The following BABAM2 variants were observed in gnomAD, a reference collection of about 807,000 sequenced individuals.
BABAM2 encodes BRISC and BRCA1-A complex member 2.
Under a neutral mutation model 54.7 loss-of-function variants are expected in BABAM2, and 31 were observed. The observed-to-expected ratio is 0.57, with a 90% CI of 0.43 to 0.77. BABAM2 has a LOEUF of 0.77. BABAM2 is among the 30% of genes least tolerant of loss of function. The pLI, the probability that BABAM2 is intolerant of heterozygous loss-of-function variation, is 0.00. For missense variants in BABAM2, 364 were observed against 455.8 expected (o/e 0.80, Z 1.83); for synonymous variants, 167 against 162.9 (o/e 1.03, Z -0.19).
intron 5 of BABAM2, among the ~76,000 whole-genome samples, chr2:28,033,801 T>G (rs1005294821): frequency 1.2e-3 from 24 of 20,276 alleles, no homozygotes; most frequent in Non-Finnish European, 1.7e-3. Flanking sequence ...GATTAAAGTG[T>G]TTTTTTTTTT....
At chr2:28,195,742 C>T (rs1225639966) in intron 7 of BABAM2, among the ~76,000 whole-genome samples, 3 of 152,192 alleles carry the variant, frequency 2.0e-5, no homozygotes, top group Non-Finnish European at 4.4e-5. Flanking sequence ...GTATTTGACA[C>T]AGGCCATCAG....
At chr2:28,142,788 T>C (rs1573671619) in intron 7 of BABAM2, among the ~76,000 whole-genome samples, 1 of 152,180 alleles carries the variant, frequency 6.6e-6, no homozygotes, top group Non-Finnish European at 1.5e-5. Context: ...AAGGAAATTA[T>C]TTTGAGAGCT....
intron 11 of BABAM2, among the ~76,000 whole-genome samples, chr2:28,332,905 T>C (rs554305771): frequency 6.6e-6 from 1 of 152,308 alleles, no homozygotes; most frequent in South Asian, 2.1e-4. Context: ...AAGCCTGAGA[T>C]TGGCCATCTC....
intron 3 of BABAM2, among the ~76,000 whole-genome samples, chr2:27,978,145 C>A (rs1230501441): frequency 2.0e-5 from 3 of 152,158 alleles, no homozygotes; most frequent in South Asian, 2.1e-4. Flanking sequence ...GGGGGTGGAT[C>A]CCTCATGAAT....
At chr2:28,013,459 C>A (rs932239505) in intron 4 of BABAM2, 3 of 447,850 alleles carry the variant, frequency 6.7e-6, no homozygotes, top group African/African-American at 6.1e-5. Context: ...TGAGTCTTAC[C>A]AGTCCTATCA....
intron 6 of BABAM2, among the ~76,000 whole-genome samples, chr2:28,127,902 G>A (rs1176487695): frequency 6.6e-6 from 1 of 151,850 alleles, no homozygotes; most frequent in African/African-American, 2.4e-5. Flanking sequence ...CGCCTCCCGG[G>A]TTCATGCCAT....
At chr2:28,106,785 T>C (rs1387254506) in intron 6 of BABAM2, among the ~76,000 whole-genome samples, 2 of 152,182 alleles carry the variant, frequency 1.3e-5, no homozygotes, top group African/African-American at 2.4e-5. Context: ...CACCCAAATA[T>C]CCTATTTTTT....
At chr2:27,913,984 T>A (rs1292928475) in intron 2 of BABAM2, among the ~76,000 whole-genome samples, 1 of 152,178 alleles carries the variant, frequency 6.6e-6, no homozygotes, top group East Asian at 1.9e-4. Context: ...TCAACTTTGT[T>A]TCATGTGGTT....
chr2:27,903,363 G>A (rs937540651), intron 2 of BABAM2, among the ~76,000 whole-genome samples: 10 of 152,084 alleles, frequency 6.6e-5, no homozygotes, highest in Admixed American at 2.0e-4. Flanking sequence ...TTCTACATAC[G>A]TTTTTGTAAC....
At chr2:28,058,295 CAT>C (rs1006561207) in intron 6 of BABAM2, among the ~76,000 whole-genome samples, 12 of 152,160 alleles carry the variant, frequency 7.9e-5, no homozygotes, top group African/African-American at 2.6e-4. Context: ...ATTTTAAAGA[CAT>C]AGTGTTACAG....
chr2:28,338,729 C>T lies in BABAM2; in HGVS notation c.*216C>T, dbSNP rs1691690970. The T allele has an allele frequency of 3.8e-6, 2 of 521,510 alleles. No homozygotes were observed. Among genetic ancestry groups the T allele is most frequent in the Middle Eastern group, 1.0e-3 (2 of 1,946 alleles). The allele number at this position is 521,510 out of a possible 1,614,324, so 32.3% of individuals were successfully genotyped here. A position where few individuals can be genotyped will look rare whatever the true frequency, so the allele number is the denominator to read the frequency against. ...AGAGCCCTTCACTTCGGGTTACTCC[C>T]TCTTTCTTGCCTCTATTTCTTAGTT... is the stretch of plus-strand genomic sequence containing the variant. On this transcript the variant is annotated 3_prime_UTR_variant, in exon 12 of 12. Transcript: ENST00000379624.
At chr2:28,119,578 G>A (rs1441781484) in intron 6 of BABAM2, among the ~76,000 whole-genome samples, 1 of 152,130 alleles carries the variant, frequency 6.6e-6, no homozygotes, top group East Asian at 1.9e-4. Flanking sequence ...CCTCCCTAAA[G>A]TTTGTTTGTA....
At chr2:28,332,775 C>G (rs1415313594) in intron 11 of BABAM2, among the ~76,000 whole-genome samples, 2 of 152,212 alleles carry the variant, frequency 1.3e-5, no homozygotes, top group Non-Finnish European at 2.9e-5. Context: ...AGAAGACACG[C>G]AAGGGCTGGA....
intron 4 of BABAM2, among the ~76,000 whole-genome samples, chr2:28,017,122 G>A (rs1415931138): frequency 6.6e-6 from 1 of 152,124 alleles, no homozygotes; most frequent in African/African-American, 2.4e-5. Context: ...AAGAAATTAG[G>A]AAAATATGTT....
intron 2 of BABAM2, among the ~76,000 whole-genome samples, chr2:27,908,444 T>G (rs1266703240): frequency 6.6e-6 from 1 of 152,076 alleles, no homozygotes; most frequent in Non-Finnish European, 1.5e-5. Flanking sequence ...GCTAATTTTT[T>G]GTATTTTTTT....
intron 10 of BABAM2, among the ~76,000 whole-genome samples, chr2:28,267,669 A>G (rs1048950573): frequency 2.0e-5 from 3 of 152,164 alleles, no homozygotes; most frequent in African/African-American, 4.8e-5. Context: ...ACCATTCCCT[A>G]TGGCCTCAGC....
intron 7 of BABAM2, among the ~76,000 whole-genome samples, chr2:28,169,339 G>A (rs1674061543): frequency 6.6e-6 from 1 of 152,178 alleles, no homozygotes; most frequent in South Asian, 2.1e-4. Flanking sequence ...TTAACAATAT[G>A]TGTTAAAAAC....
chr2:28,238,784 G>A (rs937648681), intron 8 of BABAM2, among the ~76,000 whole-genome samples: 4 of 152,056 alleles, frequency 2.6e-5, no homozygotes, highest in African/African-American at 9.7e-5. Flanking sequence ...GAACGGAGAA[G>A]AAAAGCCTTT....
intron 5 of BABAM2, among the ~76,000 whole-genome samples, chr2:28,043,130 TG>T (rs1327313573): frequency 1.2e-4 from 18 of 150,596 alleles, no homozygotes; most frequent in Non-Finnish European, 2.1e-4. Flanking sequence ...GTTGGGAGCA[TG>T]TTTTTTTTTT....
Sources: gnomAD v4.1 joint callset for allele counts (sites outside exome capture counted in the v4.1 genomes callset) on GRCh38, gnomAD v4.1.1 for gene constraint, MANE v1.5 for transcripts, NCBI Gene and HGNC (gene_info 2026-07-23, HGNC 2026-07-21) for gene names.